The following KIF1B variants were observed in gnomAD, a reference collection of about 807,000 sequenced individuals.
KIF1B encodes kinesin family member 1B, also known as kinesin-like protein KIF1B.
A neutral mutation model predicts 241.9 loss-of-function variants in KIF1B; 76 were observed. That is an observed-to-expected ratio of 0.31 (90% CI 0.26 to 0.38). The LOEUF (loss-of-function observed/expected upper bound fraction) is 0.38. Ranked by LOEUF, KIF1B falls within the 10% of genes least tolerant of loss-of-function variation. The probability of loss-of-function intolerance (pLI) is 1.00; values close to 1 mark genes in which losing one functional copy is unlikely to be tolerated. For synonymous variants in KIF1B, 750 were observed against 796.7 expected, an observed-to-expected ratio of 0.94 and a Z score of 0.99; for missense variants, 1,622 against 2,271.4, an observed-to-expected ratio of 0.71 and a Z score of 5.81.
chr1:10,291,373 G>T (rs576481194), intron 16 of KIF1B, among the ~76,000 whole-genome samples: 18 of 152,260 alleles, frequency 1.2e-4, no homozygotes, highest in African/African-American at 4.3e-4. Flanking sequence ...GGGAGTCACA[G>T]GTTTATTAGT....
At chr1:10,242,998 A>C (rs1443660530) in intron 2 of KIF1B, among the ~76,000 whole-genome samples, 2 of 152,228 alleles carry the variant, frequency 1.3e-5, no homozygotes, top group African/African-American at 2.4e-5. Flanking sequence ...GAAGTATCAG[A>C]AGCAACACAG....
chr1:10,251,564 GTC>G lies in KIF1B; in HGVS notation c.107-4679_107-4678del, dbSNP rs1475104526. On this transcript the variant is annotated intron_variant, in intron 2 of 48. Transcript: ENST00000676179. Reference sequence around the variant, plus strand: ...AGCCTGACCAACATGGTGAAACCCTGTCTCTACTAGACATACAAAATTAGCCA... The same window carrying G: ...AGCCTGACCAACATGGTGAAACCCTGTCTACTAGACATACAAAATTAGCCA... Among the ~76,000 whole-genome samples the G allele has an allele frequency of 2.0e-5, 3 of 151,916 alleles. No homozygotes were observed. The East Asian group carries it at 5.8e-4, about 29-fold the overall frequency.
chr1:10,279,194 G>C, intron 14 of KIF1B, 56 bp downstream of exon 14: 1 of 1,189,902 alleles, frequency 8.4e-7, no homozygotes, highest in East Asian at 2.6e-5. Context: ...ATCTGCCTCT[G>C]CTGGATCAGC....
chr1:10,339,222 A>G (rs989277310), intron 31 of KIF1B, among the ~76,000 whole-genome samples: 1 of 152,132 alleles, frequency 6.6e-6, no homozygotes, highest in African/African-American at 2.4e-5. Flanking sequence ...TCTGGGGGAG[A>G]GAGGCATATA....
chr1:10,284,230 C>G (rs1286507327), intron 15 of KIF1B, among the ~76,000 whole-genome samples: 1 of 151,874 alleles, frequency 6.6e-6, no homozygotes, highest in Non-Finnish European at 1.5e-5. Context: ...CAGAGCAAGA[C>G]TCTATCTCAA....
At chr1:10,215,172 A>T (rs12750266) in intron 1 of KIF1B, among the ~76,000 whole-genome samples, 2,432 of 45,284 alleles carry the variant, frequency 0.054, 175 homozygotes, top group East Asian at 0.12. Flanking sequence ...ATATATATAT[A>T]TTTTTTTTTT....
At chr1:10,264,512 T>C (rs1347231130) in intron 5 of KIF1B, among the ~76,000 whole-genome samples, 2 of 152,258 alleles carry the variant, frequency 1.3e-5, no homozygotes, top group African/African-American at 4.8e-5. Flanking sequence ...AGATGTAATA[T>C]ATTCCGGGGA....
intron 1 of KIF1B, among the ~76,000 whole-genome samples, chr1:10,217,525 C>T (rs1210932254): frequency 6.6e-6 from 1 of 151,970 alleles, no homozygotes; most frequent in Non-Finnish European, 1.5e-5. Context: ...CCATGTTGGC[C>T]AGGCTGGTCT....
At chr1:10,233,382 A>C (rs1436833698) in intron 2 of KIF1B, among the ~76,000 whole-genome samples, 1 of 152,076 alleles carries the variant, frequency 6.6e-6, no homozygotes, top group Non-Finnish European at 1.5e-5. Context: ...TTGGGAGGCT[A>C]GGGCAGGAGG....
In KIF1B at chr1:10,371,176, T is replaced by C; in HGVS notation, c.4860T>C (p.Ser1620=). 6.2e-7 allele frequency: 1 copy of C among 1,614,142 alleles called. No individual in the cohort carries two copies. The highest frequency in any genetic ancestry group is 2.2e-5 in the East Asian group (1 of 44,882). Residue 1620 remains serine, a synonymous_variant, in exon 45 of 49, where the codon TCT becomes TCC. Transcript: ENST00000676179. The part of the protein sequence containing the change: ...SDISPIGRDP[S]ESSFSSATLT... The stretch of plus-strand genomic sequence containing the variant: ...TCTCTCCAATTGGACGGGATCCCTC[T>C]GAGTCCAGTTTCAGCAGTGCCACCC...
intron 16 of KIF1B, 48 bp from the exon 17 acceptor site, chr1:10,291,999 A>T (rs1650022700): frequency 1.3e-6 from 2 of 1,488,628 alleles, no homozygotes; most frequent in African/African-American, 2.8e-5. Flanking sequence ...AGACTGATTT[A>T]ATTGACATTT....
intron 22 of KIF1B, among the ~76,000 whole-genome samples, chr1:10,317,824 C>A (rs951516151): frequency 6.9e-5 from 3 of 43,788 alleles, no homozygotes; most frequent in African/African-American, 1.1e-4. Flanking sequence ...GAGCGAGACT[C>A]CACCTCAAAA....
intron 32 of KIF1B, among the ~76,000 whole-genome samples, chr1:10,341,249 A>AT (rs1249359232): frequency 1.3e-5 from 2 of 152,386 alleles, no homozygotes; most frequent in East Asian, 3.9e-4. Flanking sequence ...ATGGAAAGCT[A>AT]TTTTAAGTTA....
chr1:10,284,731 G>A (rs1468468831), intron 15 of KIF1B, among the ~76,000 whole-genome samples: 3 of 151,464 alleles, frequency 2.0e-5, no homozygotes, highest in East Asian at 3.9e-4. Context: ...CCATGGTGAC[G>A]TGCATCTATA....
chr1:10,272,336 TTGTGTCTGTTC>T, intron 9 of KIF1B, 30 bp downstream of exon 9: 1 of 1,360,424 alleles, frequency 7.4e-7, no homozygotes. Flanking sequence ...ATAAGGGGAG[TTGTGTCTGTTC>T]AGCAAATATA....
chr1:10,284,932 A>G (rs1444509013), intron 15 of KIF1B, among the ~76,000 whole-genome samples: 1 of 152,172 alleles, frequency 6.6e-6, no homozygotes, highest in Admixed American at 6.5e-5. Flanking sequence ...AAGTGAGTGA[A>G]GTTCTGCAAC....
chr1:10,343,336 G>C, intron 34 of KIF1B, 49 bp downstream of exon 34: 1 of 1,551,940 alleles, frequency 6.4e-7, no homozygotes, highest in Non-Finnish European at 8.9e-7. Flanking sequence ...GTGAATACAT[G>C]TCTTATTCTG....
At position 10,313,785 on chromosome 1, in the gene KIF1B, C is replaced by T. The variant is rs770487320; in HGVS notation, c.2116-6258C>T. On this transcript the variant is annotated intron_variant, in intron 22 of 48. Coordinates refer to ENST00000676179, the MANE Select transcript of KIF1B (RefSeq NM_001365951.3). ...CAGGATGGTCTTGATCTCCTGACCT[C>T]GTGATCTGCCCACCTTGGCCTCCCA... 3.8e-4 allele frequency among the ~76,000 whole-genome samples: 57 copies of T among 150,302 alleles called. 1 individual carries two copies. The highest frequency in any genetic ancestry group is 3.4e-3 in the Middle Eastern group (1 of 292).
At chr1:10,217,337 CTTTT>C (rs1646782108) in intron 1 of KIF1B, among the ~76,000 whole-genome samples, 1 of 135,862 alleles carries the variant, frequency 7.4e-6, no homozygotes, top group Non-Finnish European at 1.6e-5. Flanking sequence ...CTTACTCTTT[CTTTT>C]TCTTTTTTTT....
Sources: gnomAD v4.1 joint callset for allele counts (sites outside exome capture counted in the v4.1 genomes callset) on GRCh38, gnomAD v4.1.1 for gene constraint, MANE v1.5 for transcripts, NCBI Gene and HGNC (gene_info 2026-07-23, HGNC 2026-07-21) for gene names.